Variants in PTPRM observed in about 807,000 individuals in gnomAD.
The protein encoded by PTPRM is protein tyrosine phosphatase receptor type M.
A neutral mutation model predicts 186.7 loss-of-function variants in PTPRM; 47 were observed. The observed-to-expected ratio is 0.25, with a 90% CI of 0.20 to 0.32. PTPRM has a LOEUF of 0.32. Among genes scored for constraint, PTPRM ranks in the 10% least tolerant of loss-of-function variants. PTPRM has a pLI of 1.00. For synonymous variants in PTPRM, 668 were observed against 674.9 expected, an observed-to-expected ratio of 0.99 and a Z score of 0.16; for missense variants, 1,494 against 1,865.0, an observed-to-expected ratio of 0.80 and a Z score of 3.66.
In PTPRM at chr18:8,401,733, G is replaced by A. The variant is rs534995064; in HGVS notation, c.4345-4376G>A. ...GCCCCTGACGGAGGCCCCCAGTGCC[G>A]CCCGCTGGTGTGCTGGCCTCGTGAC... On this transcript the variant is annotated intron_variant, in intron 32 of 32. Transcript: ENST00000580170. 5.9e-5 allele frequency among the ~76,000 whole-genome samples: 9 copies of A among 152,354 alleles called. No homozygotes were observed. In the East Asian group the frequency reaches 1.4e-3, roughly 23 times the overall value.
intron 19 of PTPRM, among the ~76,000 whole-genome samples, chr18:8,289,539 T>TATATATACACATATATATACAC (rs1458187817): frequency 1.8e-5 from 1 of 56,870 alleles, no homozygotes; most frequent in Non-Finnish European, 3.2e-5. Flanking sequence ...TATATACACA[T>TATATATACACATATATATACAC]ATATATATAT....
intron 31 of PTPRM, among the ~76,000 whole-genome samples, chr18:8,387,757 C>CAT (rs1568886624): frequency 1.3e-5 from 1 of 79,982 alleles, no homozygotes; most frequent in African/African-American, 4.7e-5. Context: ...TGCGTGTGTG[C>CAT]GTGTGTGTGC....
intron 1 of PTPRM, among the ~76,000 whole-genome samples, chr18:7,634,790 A>C (rs2038274690): frequency 6.6e-6 from 1 of 152,230 alleles, no homozygotes; most frequent in African/African-American, 2.4e-5. Flanking sequence ...AAATAGAAAC[A>C]GCCTTAAGTT....
chr18:7,629,107 C>T (rs2038129818), intron 1 of PTPRM, among the ~76,000 whole-genome samples: 1 of 152,146 alleles, frequency 6.6e-6, no homozygotes, highest in African/African-American at 2.4e-5. Flanking sequence ...GAAGCAGCCT[C>T]AGAGGAAAGC....
intron 6 of PTPRM, among the ~76,000 whole-genome samples, chr18:7,950,540 G>C (rs1044859598): frequency 6.6e-6 from 1 of 152,208 alleles, no homozygotes; most frequent in Non-Finnish European, 1.5e-5. Flanking sequence ...CCAGTGGCTT[G>C]CCCTGTATGT....
At chr18:8,222,294 TA>T (rs1465779152) in intron 14 of PTPRM, among the ~76,000 whole-genome samples, 1 of 152,216 alleles carries the variant, frequency 6.6e-6, no homozygotes, top group African/African-American at 2.4e-5. Context: ...CAGTGCTGTT[TA>T]AAACAAAATT....
chr18:8,394,494 T>A lies in PTPRM; in HGVS notation c.4227T>A (p.Ser1409Arg). ...ACGACAGGAACGGGGGAGGCCGCAG[T>A]GGGACGTTCTGCGCCATCAGCATCG... ...VVHCLNGGGRSGTFCAISIVC... is the reference protein window; with the variant it reads ...VVHCLNGGGRRGTFCAISIVC... The change falls in exon 32 of 33, where the codon AGT (serine) becomes AGA (arginine). Residue 1409 changes from serine to arginine, a missense_variant. Coordinates refer to ENST00000580170, the MANE Select transcript of PTPRM (RefSeq NM_001105244.2). The A allele has an allele frequency of 6.2e-7, 1 of 1,612,464 alleles. No individual in the cohort carries two copies. Among genetic ancestry groups the A allele is most frequent in the Non-Finnish European group, 8.5e-7 (1 of 1,179,266 alleles).
chr18:7,676,653 GTGTGTGTGTA>G (rs1272377426), intron 1 of PTPRM, among the ~76,000 whole-genome samples: 132 of 136,900 alleles, frequency 9.6e-4, no homozygotes, highest in African/African-American at 3.7e-3. Flanking sequence ...GTGTGTGTGT[GTGTGTGTGTA>G]TGTGTGTGTG....
intron 20 of PTPRM, among the ~76,000 whole-genome samples, chr18:8,313,439 G>A (rs1228085123): frequency 6.6e-6 from 1 of 152,114 alleles, no homozygotes; most frequent in Non-Finnish European, 1.5e-5. Flanking sequence ...AAACGACAAT[G>A]CACTTTTTAT....
chr18:8,136,471 T>TA lies in PTPRM; in HGVS notation c.2168-7168dup, dbSNP rs936453062. On this transcript the variant is annotated intron_variant, in intron 13 of 32. Transcript: ENST00000580170. ...AACTGTCATGAAATTAGAACAAAAA[T>TA]AAAAAAAAGATTGATTTTTTTAGAG... 3.8e-4 allele frequency among the ~76,000 whole-genome samples: 58 copies of TA among 151,934 alleles called. 1 individual carries two copies. The highest frequency in any genetic ancestry group is 8.3e-4 in the South Asian group (4 of 4,810).
At chr18:8,351,818 G>A (rs2095535784) in intron 23 of PTPRM, among the ~76,000 whole-genome samples, 1 of 152,182 alleles carries the variant, frequency 6.6e-6, no homozygotes, top group Non-Finnish European at 1.5e-5. Context: ...GCCAAGAAAG[G>A]AGGCACTAAC....
intron 13 of PTPRM, among the ~76,000 whole-genome samples, chr18:8,137,542 G>A (rs987688301): frequency 2.0e-5 from 3 of 152,154 alleles, no homozygotes; most frequent in African/African-American, 7.2e-5. Context: ...GTGAGCCTGC[G>A]TATTGCTGCC....
At chr18:7,925,559 T>C (rs1221848918) in intron 4 of PTPRM, among the ~76,000 whole-genome samples, 3 of 152,142 alleles carry the variant, frequency 2.0e-5, no homozygotes, top group Non-Finnish European at 2.9e-5. Context: ...TGCCTAGACA[T>C]GGCTAAAGAC....
At chr18:7,574,959 G>A (rs1402281827) in intron 1 of PTPRM, among the ~76,000 whole-genome samples, 1 of 152,210 alleles carries the variant, frequency 6.6e-6, no homozygotes, top group African/African-American at 2.4e-5. Flanking sequence ...GTGAACCCGG[G>A]AGGCGGAGCT....
chr18:7,893,501 A>G (rs988202504), intron 3 of PTPRM, among the ~76,000 whole-genome samples: 3 of 152,310 alleles, frequency 2.0e-5, no homozygotes, highest in African/African-American at 4.8e-5. Context: ...AGGAAACAAA[A>G]ATGGGGAAGA....
At chr18:7,581,300 C>T (rs2036839547) in intron 1 of PTPRM, among the ~76,000 whole-genome samples, 4 of 152,244 alleles carry the variant, frequency 2.6e-5, no homozygotes, top group African/African-American at 9.6e-5. Context: ...GGCTCCAAGC[C>T]TAGTGGAAAG....
intron 5 of PTPRM, among the ~76,000 whole-genome samples, chr18:7,937,547 G>A (rs551397169): frequency 9.2e-5 from 14 of 152,330 alleles, no homozygotes; most frequent in African/African-American, 2.4e-4. Flanking sequence ...TCAGCCGAGC[G>A]CAGCCTGCCA....
chr18:8,352,742 G>A (rs1388175180), intron 23 of PTPRM, among the ~76,000 whole-genome samples: 2 of 151,292 alleles, frequency 1.3e-5, no homozygotes, highest in Non-Finnish European at 1.5e-5. Flanking sequence ...CACGATCTTG[G>A]CTCACTGCAA....
chr18:7,757,577 C>T (rs879942119), intron 1 of PTPRM, among the ~76,000 whole-genome samples: 38 of 152,106 alleles, frequency 2.5e-4, no homozygotes, highest in Admixed American at 2.0e-3. Flanking sequence ...GCCTCTGGGG[C>T]TCATCTGTTC....
Sources: allele counts gnomAD v4.1 joint callset (sites outside exome capture counted in the v4.1 genomes callset), GRCh38; gene constraint gnomAD v4.1.1; transcripts MANE v1.5; gene names NCBI Gene and HGNC (gene_info 2026-07-23, HGNC 2026-07-21).